Variants in NALCN observed in about 807,000 individuals in gnomAD.
The protein encoded by NALCN is sodium leak channel NALCN.
NALCN carries 111 observed loss-of-function variants against 225.3 expected under a neutral mutation model. That is an observed-to-expected ratio of 0.49 (90% CI 0.42 to 0.58). The LOEUF (loss-of-function observed/expected upper bound fraction) is 0.58, where lower values mean the gene tolerates loss of function less well. NALCN is among the 20% of genes least tolerant of loss of function. NALCN has a pLI of 0.00. For missense variants in NALCN, 1,378 were observed against 2,202.4 expected (o/e 0.63, Z 7.49); for synonymous variants, 764 against 769.0 (o/e 0.99, Z 0.11).
intron 10 of NALCN, among the ~76,000 whole-genome samples, chr13:101,281,719 C>A (rs1477892775): frequency 6.6e-6 from 1 of 151,996 alleles, no homozygotes; most frequent in African/African-American, 2.4e-5. Context: ...AATTGGAACA[C>A]CATATTTCTG....
intron 6 of NALCN, among the ~76,000 whole-genome samples, chr13:101,370,976 C>A (rs1269891597): frequency 2.6e-5 from 4 of 152,082 alleles, no homozygotes; most frequent in Non-Finnish European, 5.9e-5. Flanking sequence ...TTTGCATTTT[C>A]TAGAATTTTA....
intron 13 of NALCN, among the ~76,000 whole-genome samples, chr13:101,221,054 A>G (rs147421866): frequency 0.016 from 2,427 of 152,354 alleles, 60 homozygotes; most frequent in African/African-American, 0.048. Context: ...GGACAGAAGT[A>G]CAGACTCTTA....
In NALCN at chr13:101,390,580, A is replaced by AACAT. The variant is rs1357780133; in HGVS notation, c.291+4599_291+4602dup. Among the ~76,000 whole-genome samples, 7 of 152,296 alleles carry AACAT rather than the reference A, an allele frequency of 4.6e-5. No individual in the cohort carries two copies. The East Asian group carries it at 1.4e-3, about 29-fold the overall frequency. ...TATCCGTAACTATCAACAAAAAGAT[A>AACAT]ACATACATTCTCATAGAGCTGCTGA... is the stretch of plus-strand genomic sequence containing the variant. On this transcript the variant is annotated intron_variant, in intron 3 of 43. Coordinates refer to ENST00000251127, the MANE Select transcript of NALCN (RefSeq NM_052867.4).
intron 7 of NALCN, among the ~76,000 whole-genome samples, chr13:101,312,799 A>G (rs2044397189): frequency 6.6e-6 from 1 of 152,172 alleles, no homozygotes; most frequent in Non-Finnish European, 1.5e-5. Flanking sequence ...TCAAGCTACC[A>G]ATGACTTTCT....
At chr13:101,311,542 C>T (rs889528727) in intron 7 of NALCN, among the ~76,000 whole-genome samples, 4 of 151,472 alleles carry the variant, frequency 2.6e-5, no homozygotes, top group Admixed American at 6.6e-5. Context: ...CCATCAATAC[C>T]TAATTTATTG....
At chr13:101,300,619 A>C (rs1194705877) in intron 7 of NALCN, among the ~76,000 whole-genome samples, 3 of 151,984 alleles carry the variant, frequency 2.0e-5, no homozygotes, top group African/African-American at 7.2e-5. Context: ...TCAGCCTCAA[A>C]AAAATAAACT....
intron 33 of NALCN, 101 bp downstream of exon 33, chr13:101,082,708 A>G (rs1566793776): frequency 8.1e-7 from 1 of 1,228,526 alleles, no homozygotes; most frequent in Non-Finnish European, 1.2e-6. Context: ...TTCAAAGGCA[A>G]TGGAACACAG....
chr13:101,106,015 T>C (rs2035076136), intron 22 of NALCN, among the ~76,000 whole-genome samples: 2 of 152,242 alleles, frequency 1.3e-5, no homozygotes, highest in African/African-American at 4.8e-5. Context: ...CAACATAAGT[T>C]TATTTTCTCA....
Position 101,054,309 on chromosome 13 carries a change from T to C in NALCN, c.*986A>G, listed in dbSNP as rs898766840. The C allele has an allele frequency of 2.0e-5, 3 of 152,090 alleles. No homozygotes were observed. Among genetic ancestry groups the C allele is most frequent in the Admixed American group, 6.5e-5 (1 of 15,286 alleles). 9.4% of individuals were successfully genotyped at this position (152,090 alleles called of 1,614,324 possible). ...ATTTTGCAGGGCACCATTATTTCCATAGAAGATTCTTTTAACAGAGATGTC... is the reference window on the plus strand; with the variant it reads ...ATTTTGCAGGGCACCATTATTTCCACAGAAGATTCTTTTAACAGAGATGTC... On this transcript the variant is annotated 3_prime_UTR_variant, in exon 44 of 44. Transcript: ENST00000251127.
chr13:101,083,181 C>A lies in NALCN; in HGVS notation c.3601G>T (p.Ala1201Ser), dbSNP rs757009384. 1 of 1,614,026 alleles carries A rather than the reference C, an allele frequency of 6.2e-7. No individual in the cohort carries two copies. The highest frequency in any genetic ancestry group is 1.1e-5 in the South Asian group (1 of 91,076). Reference sequence around the variant, plus strand: ...TGCTGGGTTATGTCATACATTTTAGCTCTAAAACCATCATTATCTAGAAAA... The same window carrying A: ...TGCTGGGTTATGTCATACATTTTAGATCTAAAACCATCATTATCTAGAAAA... ...PPRPDNDGFR[A>S]KMYDITQHPF... Residue 1201 changes from alanine (A) to serine (S), a missense_variant, in exon 32 of 44, where the codon GCT (alanine) becomes TCT (serine). Ala to Ser is a moderately conservative substitution (Grantham distance 99). Around this residue, in one of 19 missense-constraint regions of NALCN, gnomAD observed 98 missense variants for 156.6 expected, o/e 0.63. Transcript: ENST00000251127.
chr13:101,262,502 C>T (rs558379000), intron 10 of NALCN, among the ~76,000 whole-genome samples: 285 of 152,276 alleles, frequency 1.9e-3, no homozygotes, highest in African/African-American at 6.5e-3. Flanking sequence ...CAGGGACTAG[C>T]GCCACCACAC....
At chr13:101,127,745 C>T (rs1183833204) in intron 17 of NALCN, among the ~76,000 whole-genome samples, 1 of 152,154 alleles carries the variant, frequency 6.6e-6, no homozygotes, top group Non-Finnish European at 1.5e-5. Context: ...TATGATATTA[C>T]ATTTGATGTC....
chr13:101,334,696 A>G (rs7995695), intron 7 of NALCN, among the ~76,000 whole-genome samples: 77,165 of 152,084 alleles, frequency 0.51, 20,402 homozygotes, highest in African/African-American at 0.66. Flanking sequence ...TCACCCAGAA[A>G]TTGTTTCTAG....
At chr13:101,279,660 C>CAG (rs2043083043) in intron 10 of NALCN, among the ~76,000 whole-genome samples, 1 of 145,108 alleles carries the variant, frequency 6.9e-6, no homozygotes, top group Non-Finnish European at 1.5e-5. Context: ...ACTAAAAATA[C>CAG]AAAAAAATTA....
intron 3 of NALCN, among the ~76,000 whole-genome samples, chr13:101,392,825 C>G (rs2047183458): frequency 1.3e-5 from 2 of 152,020 alleles, no homozygotes; most frequent in Non-Finnish European, 2.9e-5. Flanking sequence ...AGTAAAGTAG[C>G]AGAATATAAT....
At chr13:101,117,422 T>C (rs1326420093) in intron 18 of NALCN, among the ~76,000 whole-genome samples, 1 of 152,232 alleles carries the variant, frequency 6.6e-6, no homozygotes, top group Non-Finnish European at 1.5e-5. Context: ...GGCTGAACTT[T>C]TTACTACAAT....
At chr13:101,165,094 G>A (rs1213739549) in intron 15 of NALCN, among the ~76,000 whole-genome samples, 1 of 152,132 alleles carries the variant, frequency 6.6e-6, no homozygotes, top group Non-Finnish European at 1.5e-5. Context: ...AGCTGCTTTT[G>A]CTTCCTACCT....
chr13:101,165,033 C>T (rs1566368357), intron 15 of NALCN, among the ~76,000 whole-genome samples: 1 of 152,172 alleles, frequency 6.6e-6, no homozygotes, highest in African/African-American at 2.4e-5. Flanking sequence ...CCTCTCGCTC[C>T]TGGGCAGCTG....
At chr13:101,280,667 T>C (rs1468149920) in intron 10 of NALCN, among the ~76,000 whole-genome samples, 1 of 152,144 alleles carries the variant, frequency 6.6e-6, no homozygotes, top group Non-Finnish European at 1.5e-5. Flanking sequence ...ATTACTTGCA[T>C]ATTTTTTTCA....
Sources: allele counts gnomAD v4.1 joint callset (sites outside exome capture counted in the v4.1 genomes callset), GRCh38; gene constraint gnomAD v4.1.1; regional missense constraint gnomAD v4.1.1; transcripts MANE v1.5; gene names NCBI Gene and HGNC (gene_info 2026-07-23, HGNC 2026-07-21).